Variants in HMCN1 observed in about 807,000 individuals in gnomAD.
HMCN1 encodes the protein hemicentin 1, also known as hemicentin-1.
Under a neutral mutation model 625.9 loss-of-function variants are expected in HMCN1, and 321 were observed. The ratio of observed to expected loss-of-function variants is 0.51; its 90% confidence interval spans 0.47 to 0.56. The LOEUF is 0.56. Among genes scored for constraint, HMCN1 ranks in the 20% least tolerant of loss-of-function variants. The pLI is 0.00. For synonymous variants in HMCN1, 2,425 were observed against 2,417.6 expected, an observed-to-expected ratio of 1.00 and a Z score of -0.09; for missense variants, 6,588 against 6,887.3, an observed-to-expected ratio of 0.96 and a Z score of 1.54.
Position 186,070,608 on chromosome 1 carries a change from G to T in HMCN1, c.7994-4G>T. 1 of 1,609,674 alleles carries T rather than the reference G, an allele frequency of 6.2e-7. No homozygotes were observed. Among genetic ancestry groups the T allele is most frequent in the Non-Finnish European group, 8.5e-7 (1 of 1,176,174 alleles). On this transcript the variant is annotated splice_polypyrimidine_tract_variant and splice_region_variant and intron_variant, in intron 51 of 106. Transcript: ENST00000271588. The stretch of plus-strand genomic sequence containing the variant: ...TCTAACTCTTTAATATTTATTTTAT[G>T]CAGTTCCACCCATAATCAATAAAGG...
Position 185,796,068 on chromosome 1 carries a change from C to T in HMCN1, c.269-49958C>T, listed in dbSNP as rs190976805. ...CCATCACCTGAATAGTGTACATCAG[C>T]GGTCCTCAAACTTTTTGGCACCAGT... On this transcript the variant is annotated intron_variant, in intron 1 of 106. Coordinates refer to ENST00000271588, the MANE Select transcript of HMCN1 (RefSeq NM_031935.3). 8.5e-5 allele frequency among the ~76,000 whole-genome samples: 13 copies of T among 152,296 alleles called. 1 individual carries two copies. Among genetic ancestry groups the T allele is most frequent in the Admixed American group, 1.3e-4 (2 of 15,302 alleles).
At position 185,993,216 on chromosome 1, in the gene HMCN1, A is replaced by G. The variant is rs1652556093; in HGVS notation, c.3412A>G (p.Thr1138Ala). ...CCTCCCTTCTGGTTCAATGAAGATC[A>G]CTGAAACCCGCACTTCAGATAGTGG... The part of the protein sequence containing the change: ...TFLPSGSMKI[T>A]ETRTSDSGMY... The change falls in exon 23 of 107, where the codon ACT becomes GCT. Residue 1138 changes from threonine to alanine, a missense_variant. By Grantham distance (58) the Thr-to-Ala change is moderately conservative. Transcript: ENST00000271588. 6.2e-7 allele frequency: 1 copy of G among 1,612,652 alleles called. No individual in the cohort carries two copies. Among genetic ancestry groups the G allele is most frequent in the African/African-American group, 1.3e-5 (1 of 74,892 alleles).
At chr1:185,967,305 C>T (rs867855245) in intron 14 of HMCN1, among the ~76,000 whole-genome samples, 65 of 152,072 alleles carry the variant, frequency 4.3e-4, no homozygotes, top group African/African-American at 1.5e-3. Context: ...TCATGCCCAT[C>T]TTAAACCCAG....
At position 185,846,081 on chromosome 1, in the gene HMCN1, A is replaced by T; in HGVS notation, c.324A>T (p.Arg108Ser). The T allele has an allele frequency of 6.2e-7, 1 of 1,611,112 alleles. No individual in the cohort carries two copies. Among genetic ancestry groups the T allele is most frequent in the South Asian group, 1.1e-5 (1 of 91,044 alleles). ...CCAAGAAATTTCAATATGAACTCAG[A>T]GAACTGTATGTTCAGGTGAGTGCTT... The part of the protein sequence containing the change: ...TDPKKFQYEL[R>S]ELYVQGGGDC... Residue 108 changes from arginine (R) to serine (S), a missense_variant, in exon 2 of 107, where the codon AGA becomes AGT. Arg to Ser is a moderately radical substitution (Grantham distance 110, BLOSUM62 -1). Transcript: ENST00000271588.
chr1:186,114,692 C>A, intron 73 of HMCN1, 127 bp from the exon 74 acceptor site: 1 of 1,090,534 alleles, frequency 9.2e-7, no homozygotes, highest in South Asian at 1.3e-5. Context: ...GTATCATAAA[C>A]ATGTGTCATC....
At chr1:186,103,712 T>C (rs1428321506) in intron 69 of HMCN1, 44 bp downstream of exon 69, 2 of 1,498,338 alleles carry the variant, frequency 1.3e-6, no homozygotes, top group African/African-American at 2.8e-5. Context: ...TAGGTCAAAC[T>C]TCTCACTTGC....
At chr1:186,176,247 A>G (rs754262402) in intron 103 of HMCN1, among the ~76,000 whole-genome samples, 15 of 152,226 alleles carry the variant, frequency 9.9e-5, no homozygotes, top group Admixed American at 2.0e-4. Context: ...GTTGGGGGAA[A>G]ATGTGCTTGG....
intron 89 of HMCN1, among the ~76,000 whole-genome samples, chr1:186,139,757 C>A (rs1649837365): frequency 6.6e-6 from 1 of 152,080 alleles, no homozygotes; most frequent in Non-Finnish European, 1.5e-5. Context: ...TTTAGTGATG[C>A]CACATTGGTA....
chr1:186,164,734 G>C (rs968120074), intron 97 of HMCN1, among the ~76,000 whole-genome samples: 2 of 152,226 alleles, frequency 1.3e-5, no homozygotes, highest in Non-Finnish European at 2.9e-5. Flanking sequence ...TAAGTTGCTT[G>C]AAAACAGCAT....
chr1:186,161,972 C>G (rs982894296), intron 97 of HMCN1, among the ~76,000 whole-genome samples: 5 of 152,156 alleles, frequency 3.3e-5, no homozygotes, highest in African/African-American at 7.2e-5. Flanking sequence ...GCCTGCCTTG[C>G]TAGATTGGGG....
At chr1:186,111,928 G>A (rs1660907075) in intron 71 of HMCN1, among the ~76,000 whole-genome samples, 3 of 152,064 alleles carry the variant, frequency 2.0e-5, no homozygotes, top group Admixed American at 6.5e-5. Flanking sequence ...AAGCTCATAC[G>A]GTAGAGAAAT....
intron 4 of HMCN1, among the ~76,000 whole-genome samples, chr1:185,886,271 G>C (rs552825942): frequency 6.6e-6 from 1 of 151,668 alleles, no homozygotes; most frequent in South Asian, 2.1e-4. Context: ...AGAGACAGCA[G>C]AAAGAAAAGC....
At chr1:186,117,985 C>T (rs905787724) in intron 77 of HMCN1, among the ~76,000 whole-genome samples, 5 of 151,992 alleles carry the variant, frequency 3.3e-5, no homozygotes, top group African/African-American at 7.3e-5. Context: ...CTTCATTTAT[C>T]GAACATTTAG....
intron 68 of HMCN1, among the ~76,000 whole-genome samples, chr1:186,101,428 CAT>C (rs1441622327): frequency 6.6e-6 from 1 of 151,956 alleles, no homozygotes; most frequent in Non-Finnish European, 1.5e-5. Context: ...AGTCTGAATA[CAT>C]GTTGAGTTTT....
At chr1:185,920,253 A>AT (rs200684143) in intron 6 of HMCN1, among the ~76,000 whole-genome samples, 2,042 of 152,238 alleles carry the variant, frequency 0.013, 32 homozygotes, top group African/African-American at 0.045. Flanking sequence ...GTATGTTTAA[A>AT]CCAGTGTTAG....
At chr1:186,163,049 G>T (rs1479530769) in intron 97 of HMCN1, among the ~76,000 whole-genome samples, 1 of 152,234 alleles carries the variant, frequency 6.6e-6, no homozygotes, top group African/African-American at 2.4e-5. Context: ...TTGAGCTGTG[G>T]TGGGCTCCAC....
intron 42 of HMCN1, 26 bp downstream of exon 42, chr1:186,048,865 A>T: frequency 7.3e-7 from 1 of 1,365,424 alleles, no homozygotes; most frequent in Non-Finnish European, 1.0e-6. Context: ...TCTTGAAAGC[A>T]AATAATGCAG....
At chr1:185,956,352 G>T (rs1313283832) in intron 11 of HMCN1, among the ~76,000 whole-genome samples, 2 of 152,326 alleles carry the variant, frequency 1.3e-5, no homozygotes, top group East Asian at 3.9e-4. Flanking sequence ...ACTGTAGGTT[G>T]TGATCTGTGC....
At chr1:185,910,488 A>G (rs1026925695) in intron 5 of HMCN1, among the ~76,000 whole-genome samples, 14 of 152,022 alleles carry the variant, frequency 9.2e-5, no homozygotes, top group Non-Finnish European at 2.1e-4. Flanking sequence ...TGTTTCTACT[A>G]CTTTAAAAAG....
Sources: gnomAD v4.1 joint callset for allele counts (sites outside exome capture counted in the v4.1 genomes callset) on GRCh38, gnomAD v4.1.1 for gene constraint, MANE v1.5 for transcripts, NCBI Gene and HGNC (gene_info 2026-07-23, HGNC 2026-07-21) for gene names.